The following UTRN variants were observed in gnomAD, a reference collection of about 807,000 sequenced individuals.
UTRN encodes utrophin.
In UTRN, 283 loss-of-function variants were observed where a neutral mutation model predicts 463.9. That is an observed-to-expected ratio of 0.61 (90% confidence interval 0.55 to 0.67). UTRN has a LOEUF of 0.67. Ranked by LOEUF, UTRN falls within the 30% of genes least tolerant of loss-of-function variation. UTRN has a pLI of 0.00. For missense variants in UTRN, 3,922 were observed against 4,084.3 expected (o/e 0.96, Z 1.08); for synonymous variants, 1,442 against 1,431.5 (o/e 1.01, Z -0.17).
chr6:144,423,578 T>A lies in UTRN; in HGVS notation c.264T>A (p.His88Gln). The A allele has an allele frequency of 6.2e-7, 1 of 1,614,232 alleles. No homozygotes were observed. Among genetic ancestry groups the A allele is most frequent in the Non-Finnish European group, 8.5e-7 (1 of 1,180,040 alleles). ...LPKERGSTRV[H>Q]ALNNVNRVLQ... ...AGGAACGTGGTTCCACAAGGGTACA[T>A]GCCTTAAATAACGTCAACAGAGTGC... The change falls in exon 5 of 75, where the codon CAT becomes CAA. Residue 88 changes from histidine (H) to glutamine (Q), a missense_variant. Transcript: ENST00000367545.
intron 54 of UTRN, among the ~76,000 whole-genome samples, chr6:144,745,332 C>T (rs1790598689): frequency 6.6e-6 from 1 of 151,764 alleles, no homozygotes; most frequent in South Asian, 2.1e-4. Context: ...TTATTTTACC[C>T]CAAATAGTCA....
chr6:144,806,054 TA>T (rs1215053806), intron 65 of UTRN, among the ~76,000 whole-genome samples: 1 of 152,188 alleles, frequency 6.6e-6, no homozygotes, highest in Non-Finnish European at 1.5e-5. Flanking sequence ...CAAAATATCA[TA>T]AAGTAAATAT....
chr6:144,331,861 G>A (rs1441625135), intron 2 of UTRN, among the ~76,000 whole-genome samples: 1 of 152,200 alleles, frequency 6.6e-6, no homozygotes, highest in African/African-American at 2.4e-5. Context: ...AATGTGGAAG[G>A]GAAGAATTCC....
chr6:144,732,224 A>ATATATATATG (rs1562832056), intron 54 of UTRN, among the ~76,000 whole-genome samples: 129 of 43,218 alleles, frequency 3.0e-3, no homozygotes, highest in African/African-American at 0.013. Flanking sequence ...TTATATATAT[A>ATATATATATG]TATATATATA....
chr6:144,772,419 G>C lies in UTRN; in HGVS notation c.8557+451G>C, dbSNP rs1586498588. Among the ~76,000 whole-genome samples the C allele has an allele frequency of 2.0e-5, 3 of 152,122 alleles. No individual in the cohort carries two copies. The South Asian group carries it at 6.2e-4, about 32-fold the overall frequency. ...ATCATGTCATTGACATTTAAAAGTA[G>C]TTAAATTTCTAAGGGCAATGCAGTA... On this transcript the variant is annotated intron_variant, in intron 59 of 74. Transcript: ENST00000367545.
Position 144,437,737 on chromosome 6 carries a change from G to A in UTRN, c.1232G>A (p.Arg411Lys). 6.2e-7 allele frequency: 1 copy of A among 1,612,518 alleles called. No individual in the cohort carries two copies. The highest frequency in any genetic ancestry group is 8.5e-7 in the Non-Finnish European group (1 of 1,179,366). ...WEALRVESMD[R>K]QSRLHDVLME... ...GCTCTTAGGGTGGAGAGTATGGACA[G>A]ACAGTCCCGGTGAGTGGAAAGCCAA... Residue 411 changes from arginine to lysine, a missense_variant, in exon 11 of 75, where the codon AGA becomes AAA. This residue lies in a region of UTRN where 2,349 missense variants were observed against 2,303.8 expected (regional missense o/e 1.02). Coordinates refer to ENST00000367545, the MANE Select transcript of UTRN (RefSeq NM_007124.3).
chr6:144,533,478 C>T (rs891487941), intron 43 of UTRN, among the ~76,000 whole-genome samples: 2 of 152,098 alleles, frequency 1.3e-5, no homozygotes, highest in African/African-American at 4.8e-5. Flanking sequence ...AAAAACCAAA[C>T]ACCTTTATTC....
intron 26 of UTRN, 134 bp from the exon 27 acceptor site, chr6:144,482,075 T>A: frequency 1.4e-6 from 1 of 705,558 alleles, no homozygotes; most frequent in Non-Finnish European, 2.1e-6. Flanking sequence ...ACCTAAATAA[T>A]GTTCTATTTT....
In UTRN at chr6:144,356,845, ATATATGTGTGTGTG is replaced by A. The variant is rs1332924600; in HGVS notation, c.80-46276_80-46263del. ...GTCTAAAATATGAATAAATAAATAA[ATATATGTGTGTGTG>A]TGTATGTGTGTGTATATATACATAT... On this transcript the variant is annotated intron_variant, in intron 2 of 74. Transcript: ENST00000367545. Among the ~76,000 whole-genome samples the A allele has an allele frequency of 2.8e-5, 4 of 140,812 alleles. No individual in the cohort carries two copies. In the East Asian group the frequency reaches 8.4e-4, roughly 30 times the overall value. 92.4% of individuals were successfully genotyped at this position (140,812 alleles called of 152,430 possible).
chr6:144,828,656 A>G lies in UTRN; in HGVS notation c.9600-134A>G, dbSNP rs1780400655. The G allele has an allele frequency of 5.9e-6, 5 of 842,728 alleles. No individual in the cohort carries two copies. The Admixed American group carries it at 6.7e-5, about 11-fold the overall frequency. 52.2% of individuals were successfully genotyped at this position (842,728 alleles called of 1,614,324 possible). On this transcript the variant is annotated intron_variant, in intron 68 of 74. Transcript: ENST00000367545. Reference sequence around the variant, plus strand: ...TCAACATGAAACGTTTTAGTTTTACAGTCGTGTTAGGAGATTTGGATCTTT... The same window carrying G: ...TCAACATGAAACGTTTTAGTTTTACGGTCGTGTTAGGAGATTTGGATCTTT...
At chr6:144,761,847 G>A (rs928975036) in intron 58 of UTRN, among the ~76,000 whole-genome samples, 3 of 152,074 alleles carry the variant, frequency 2.0e-5, no homozygotes, top group South Asian at 4.1e-4. Flanking sequence ...GGAATAAGAG[G>A]AATGAAAGCT....
chr6:144,426,387 A>G lies in UTRN; in HGVS notation c.506A>G (p.Gln169Arg). The G allele has an allele frequency of 1.2e-6, 2 of 1,614,178 alleles. No individual in the cohort carries two copies. The highest frequency in any genetic ancestry group is 1.7e-6 in the Non-Finnish European group (2 of 1,180,030). ...CGTCAGACCACCAGGCCCTACAGCC[A>G]AGTCAACGTCCTCAACTTCACCACC... ...WVRQTTRPYS[Q>R]VNVLNFTTSW... Residue 169 changes from glutamine (Q) to arginine (R), a missense_variant, in exon 7 of 75, where the codon CAA becomes CGA. Transcript: ENST00000367545.
intron 9 of UTRN, among the ~76,000 whole-genome samples, chr6:144,433,291 C>T (rs1458953864): frequency 1.2e-4 from 18 of 148,486 alleles, no homozygotes; most frequent in African/African-American, 2.2e-4. Context: ...ACCTCCCGGA[C>T]GGGGCGGCTG....
intron 51 of UTRN, among the ~76,000 whole-genome samples, chr6:144,604,610 T>C (rs1804629298): frequency 6.6e-6 from 1 of 152,108 alleles, no homozygotes; most frequent in Non-Finnish European, 1.5e-5. Flanking sequence ...ACTTTGAATA[T>C]TAAAGTTTGA....
rs1401691719 is a variant in UTRN, at chr6:144,531,193, A to G, written c.6048A>G (p.Ile2016Met). 4.3e-6 allele frequency: 7 copies of G among 1,613,810 alleles called. No homozygotes were observed. Among genetic ancestry groups the G allele is most frequent in the Non-Finnish European group, 5.1e-6 (6 of 1,179,800 alleles). ...GGSLDLEKAR[I>M]HQQELEVGIS... is the part of the protein sequence containing the mutation. ...GCCTGGACTTAGAGAAAGCCAGGATACATCAGCAGGTGAGTGCTTTCTGTT... is the reference window on the plus strand; with the variant it reads ...GCCTGGACTTAGAGAAAGCCAGGATGCATCAGCAGGTGAGTGCTTTCTGTT... Residue 2016 changes from isoleucine to methionine, a missense_variant, in exon 42 of 75, where the codon ATA becomes ATG. Physicochemically the swap from Ile to Met is conservative, Grantham distance 10. Transcript: ENST00000367545.
chr6:144,551,137 A>T, intron 48 of UTRN, 55 bp downstream of exon 48: 1 of 164,156 alleles, frequency 6.1e-6, no homozygotes, highest in Non-Finnish European at 9.3e-6. Context: ...GCAAATGGTG[A>T]CACACACACA....
chr6:144,423,765 G>T, intron 5 of UTRN, 139 bp downstream of exon 5: 1 of 1,068,202 alleles, frequency 9.4e-7, no homozygotes, highest in Non-Finnish European at 1.4e-6. Context: ...AACTTTTTCT[G>T]TGAGTGAAGA....
At chr6:144,348,706 G>C (rs1434592227) in intron 2 of UTRN, among the ~76,000 whole-genome samples, 3 of 152,092 alleles carry the variant, frequency 2.0e-5, no homozygotes, top group Admixed American at 2.0e-4. Context: ...AGGCCGAGGC[G>C]GGCAGATCAC....
intron 53 of UTRN, among the ~76,000 whole-genome samples, chr6:144,712,923 A>C (rs1289302396): frequency 6.6e-6 from 1 of 152,194 alleles, no homozygotes; most frequent in Non-Finnish European, 1.5e-5. Context: ...TGGAGTATGC[A>C]GTAGAGTAAG....
Sources: allele counts gnomAD v4.1 joint callset (sites outside exome capture counted in the v4.1 genomes callset), GRCh38; gene constraint gnomAD v4.1.1; regional missense constraint gnomAD v4.1.1; transcripts MANE v1.5; gene names NCBI Gene and HGNC (gene_info 2026-07-23, HGNC 2026-07-21).